The following SPAG16 variants were observed in gnomAD, a reference collection of about 807,000 sequenced individuals.
The protein encoded by SPAG16 is sperm associated antigen 16, also known as sperm-associated antigen 16 protein.
SPAG16 carries 86 observed loss-of-function variants against 80.4 expected under a neutral mutation model. The observed-to-expected ratio is 1.07, with a 90% CI of 0.90 to 1.28. The LOEUF is 1.28. Ranked by LOEUF, SPAG16 falls within the 50% of genes most tolerant of loss-of-function variation. SPAG16 has a pLI of 0.00. For missense variants in SPAG16, 870 were observed against 765.3 expected, an observed-to-expected ratio of 1.14 and a Z score of -1.61; for synonymous variants, 294 against 265.9, an observed-to-expected ratio of 1.11 and a Z score of -1.03.
chr2:214,240,218 A>G (rs1689370204), intron 15 of SPAG16: 1 of 152,192 alleles, frequency 6.6e-6, no homozygotes, highest in Non-Finnish European at 1.5e-5. Context: ...CTAATCCAGC[A>G]TTCTCAAAGC....
intron 15 of SPAG16, among the ~76,000 whole-genome samples, chr2:214,348,437 T>G (rs1440516118): frequency 1.3e-5 from 2 of 152,220 alleles, no homozygotes; most frequent in Non-Finnish European, 1.5e-5. Context: ...TTTATATCTT[T>G]GAGGGCTTGC....
intron 13 of SPAG16, among the ~76,000 whole-genome samples, chr2:214,018,134 G>A (rs529643417): frequency 1.3e-4 from 19 of 151,850 alleles, no homozygotes; most frequent in South Asian, 2.1e-4. Context: ...AATTGTTAAC[G>A]AAAATATTGA....
chr2:214,126,819 T>C (rs1198419695), intron 14 of SPAG16, among the ~76,000 whole-genome samples: 1 of 151,812 alleles, frequency 6.6e-6, no homozygotes, highest in Non-Finnish European at 1.5e-5. Flanking sequence ...ATTAACACAT[T>C]GCTCTCATCT....
intron 10 of SPAG16, among the ~76,000 whole-genome samples, chr2:213,820,708 GATAT>G (rs1319576081): frequency 6.6e-6 from 1 of 151,864 alleles, no homozygotes; most frequent in African/African-American, 2.4e-5. Context: ...TCCCATCAGA[GATAT>G]ATAGATTTAT....
chr2:213,518,525 G>C (rs1286166976), intron 10 of SPAG16, among the ~76,000 whole-genome samples: 1 of 152,142 alleles, frequency 6.6e-6, no homozygotes, highest in Non-Finnish European at 1.5e-5. Context: ...GAAGTGCTGG[G>C]ATTACAGGCA....
At chr2:213,357,596 T>C (rs1039101225) in intron 7 of SPAG16, among the ~76,000 whole-genome samples, 4 of 152,190 alleles carry the variant, frequency 2.6e-5, no homozygotes, top group Admixed American at 2.0e-4. Context: ...TTTTTTTGCT[T>C]TCCATTTGCT....
At chr2:213,780,286 A>G (rs964289414) in intron 10 of SPAG16, among the ~76,000 whole-genome samples, 3 of 152,180 alleles carry the variant, frequency 2.0e-5, no homozygotes, top group Non-Finnish European at 2.9e-5. Context: ...TGATGTCTCT[A>G]TCAAATTCAA....
intron 10 of SPAG16, among the ~76,000 whole-genome samples, chr2:213,749,325 T>G (rs945519495): frequency 3.9e-5 from 6 of 152,190 alleles, no homozygotes; most frequent in Non-Finnish European, 8.8e-5. Flanking sequence ...TTTTATATTT[T>G]TCTGTATTCT....
At chr2:213,579,462 G>T (rs2060230723) in intron 10 of SPAG16, among the ~76,000 whole-genome samples, 1 of 152,068 alleles carries the variant, frequency 6.6e-6, no homozygotes, top group Non-Finnish European at 1.5e-5. Context: ...CTTTTAAAAA[G>T]AAATGTACCT....
At chr2:214,352,042 G>C (rs545851527) in intron 15 of SPAG16, among the ~76,000 whole-genome samples, 2 of 150,598 alleles carry the variant, frequency 1.3e-5, no homozygotes, top group Non-Finnish European at 3.0e-5. Context: ...GTACCTTCTT[G>C]CTGTGTCCTC....
intron 15 of SPAG16, among the ~76,000 whole-genome samples, chr2:214,276,261 G>T (rs1033655245): frequency 6.6e-6 from 1 of 152,178 alleles, no homozygotes; most frequent in Admixed American, 6.5e-5. Flanking sequence ...TTGCCAGTCT[G>T]TCTCTTTTAA....
chr2:213,766,332 A>G (rs766650032), intron 10 of SPAG16, among the ~76,000 whole-genome samples: 1 of 152,214 alleles, frequency 6.6e-6, no homozygotes, highest in Non-Finnish European at 1.5e-5. Context: ...TGGTTGTACA[A>G]CCTTGTGACT....
rs191935215 is a variant in SPAG16, at chr2:213,795,574, C to T, written c.1071-66911C>T. Among the ~76,000 whole-genome samples the T allele has an allele frequency of 2.4e-4, 37 of 152,234 alleles. 1 individual carries two copies. The highest frequency in any genetic ancestry group is 8.4e-4 in the African/African-American group (35 of 41,550). On this transcript the variant is annotated intron_variant, in intron 10 of 15. Coordinates refer to ENST00000331683, the MANE Select transcript of SPAG16 (RefSeq NM_024532.5). Reference sequence around the variant, plus strand: ...TTCATATTTCTGACACTTGGTGATACGGTCTGGATCTTTGTCACCACCTAA... The same window carrying T: ...TTCATATTTCTGACACTTGGTGATATGGTCTGGATCTTTGTCACCACCTAA...
intron 12 of SPAG16, among the ~76,000 whole-genome samples, chr2:213,973,487 C>A (rs1466276640): frequency 6.6e-6 from 1 of 151,990 alleles, no homozygotes; most frequent in African/African-American, 2.4e-5. Flanking sequence ...TTCAATAAAC[C>A]CTGCTCTGCT....
chr2:213,383,208 GTATA>G (rs2067262677), intron 9 of SPAG16, among the ~76,000 whole-genome samples: 1 of 152,098 alleles, frequency 6.6e-6, no homozygotes, highest in East Asian at 1.9e-4. Context: ...GATAATATAT[GTATA>G]AACACTTTAT....
chr2:213,622,949 A>T (rs1435430066), intron 10 of SPAG16, among the ~76,000 whole-genome samples: 1 of 152,172 alleles, frequency 6.6e-6, no homozygotes, highest in African/African-American at 2.4e-5. Flanking sequence ...TGGGTTAGGC[A>T]CACATGGAGT....
At chr2:213,774,367 T>C (rs542408404) in intron 10 of SPAG16, among the ~76,000 whole-genome samples, 3 of 152,336 alleles carry the variant, frequency 2.0e-5, no homozygotes, top group South Asian at 2.1e-4. Context: ...AGTTTGCTTA[T>C]AATCTTTCAT....
intron 10 of SPAG16, among the ~76,000 whole-genome samples, chr2:213,598,456 AGATGCCAGC>A (rs1381413605): frequency 6.6e-6 from 1 of 152,214 alleles, no homozygotes; most frequent in Admixed American, 6.5e-5. Flanking sequence ...CAAGATTGCC[AGATGCCAGC>A]TTCATTAGAG....
At chr2:214,405,679 C>T (rs1701955996) in intron 15 of SPAG16, among the ~76,000 whole-genome samples, 1 of 152,106 alleles carries the variant, frequency 6.6e-6, no homozygotes, top group South Asian at 2.1e-4. Flanking sequence ...CATCTATAAT[C>T]CCAGCTACTC....
Sources: allele counts gnomAD v4.1 joint callset (sites outside exome capture counted in the v4.1 genomes callset), GRCh38; gene constraint gnomAD v4.1.1; transcripts MANE v1.5; gene names NCBI Gene and HGNC (gene_info 2026-07-23, HGNC 2026-07-21).